ERICH1: variants seen among roughly 807,000 people sequenced by gnomAD.
ERICH1 encodes the protein glutamate-rich protein 1.
Under a neutral mutation model 39.6 loss-of-function variants are expected in ERICH1, and 56 were observed. The observed-to-expected ratio is 1.41, with a 90% CI of 1.14 to 1.77. The LOEUF is 1.77. Ranked by LOEUF, ERICH1 falls within the 40% of genes most tolerant of loss-of-function variation. The probability of loss-of-function intolerance (pLI) is 0.00; values close to 1 mark genes in which losing one functional copy is unlikely to be tolerated. For missense variants in ERICH1, 826 were observed against 575.4 expected (o/e 1.44, Z -4.45); for synonymous variants, 313 against 223.6 (o/e 1.40, Z -3.57).
intron 3 of ERICH1, among the ~76,000 whole-genome samples, chr8:688,951 A>AT (rs1241047461): frequency 6.6e-6 from 1 of 152,236 alleles, no homozygotes. Context: ...AAGGAACAAG[A>AT]TTTTAAATGA....
intron 4 of ERICH1, among the ~76,000 whole-genome samples, chr8:672,518 G>A (rs1323392994): frequency 1.3e-5 from 2 of 152,078 alleles, no homozygotes; most frequent in South Asian, 4.1e-4. Flanking sequence ...ATCTGGATCT[G>A]CTAAACCCAC....
At chr8:662,283 T>A (rs1235861963), downstream of ERICH1, among the ~76,000 whole-genome samples, 2 of 152,258 alleles carry the variant, frequency 1.3e-5, no homozygotes, top group African/African-American at 4.8e-5. Flanking sequence ...AATGGGACGT[T>A]AAGAATAGTA....
intron 1 of ERICH1, among the ~76,000 whole-genome samples, chr8:726,689 TACACAGGCACACACATGTACAC>T (rs1354308632): frequency 7.5e-6 from 1 of 133,226 alleles, no homozygotes; most frequent in Non-Finnish European, 1.5e-5. Context: ...AGGCACATCA[TACACAGGCACACACATGTACAC>T]ACACAGGCAC....
intron 1 of ERICH1, among the ~76,000 whole-genome samples, chr8:722,607 A>G (rs1409609862): frequency 6.6e-6 from 1 of 152,228 alleles, no homozygotes; most frequent in South Asian, 2.1e-4. Flanking sequence ...TCCTAAATGC[A>G]GTTGCTGAAT....
In ERICH1 at chr8:698,905, T is replaced by G. The variant is rs866772734; in HGVS notation, c.170-6293A>C. Among the ~76,000 whole-genome samples the G allele has an allele frequency of 8.7e-3, 1,314 of 151,596 alleles. 23 individuals are homozygous for G. Among genetic ancestry groups the G allele is most frequent in the African/African-American group, 0.03 (1,237 of 41,258 alleles). On this transcript the variant is annotated intron_variant, in intron 2 of 5. Transcript: ENST00000262109. ...CCTATGGTTGTCTCTGTGAGTTTTT[T>G]TTTTTTTTTTTTAACCAGGGAGGCT... is the stretch of plus-strand genomic sequence containing the variant.
At chr8:729,240 G>A (rs924206342) in intron 1 of ERICH1, among the ~76,000 whole-genome samples, 4 of 152,188 alleles carry the variant, frequency 2.6e-5, no homozygotes, top group Admixed American at 6.5e-5. Flanking sequence ...GTCTGCTCCA[G>A]GAGAGGCACA....
At chr8:715,295 C>G (rs1159495157) in intron 2 of ERICH1, among the ~76,000 whole-genome samples, 1 of 151,984 alleles carries the variant, frequency 6.6e-6, no homozygotes, top group African/African-American at 2.4e-5. Context: ...CAGGTGGTCT[C>G]TTCCCGTGTC....
At chr8:693,050 T>C (rs1329571590) in intron 2 of ERICH1, among the ~76,000 whole-genome samples, 1 of 152,106 alleles carries the variant, frequency 6.6e-6, no homozygotes, top group Non-Finnish European at 1.5e-5. Flanking sequence ...ATGTGTACAC[T>C]GTGGCTGTGT....
intron 1 of ERICH1, among the ~76,000 whole-genome samples, chr8:726,309 C>A (rs551164659): frequency 5.8e-4 from 89 of 152,200 alleles, no homozygotes; most frequent in African/African-American, 2.1e-3. Context: ...TACAAACACG[C>A]CACACGCAGA....
chr8:699,578 C>T (rs982438047), intron 2 of ERICH1, among the ~76,000 whole-genome samples: 4 of 141,924 alleles, frequency 2.8e-5, no homozygotes, highest in African/African-American at 9.8e-5. Flanking sequence ...AGGAGGACGG[C>T]TTCATTTCCC....
intron 3 of ERICH1, among the ~76,000 whole-genome samples, chr8:628,194 C>T (rs781018699): frequency 2.0e-4 from 31 of 152,220 alleles, no homozygotes; most frequent in African/African-American, 4.1e-4. Flanking sequence ...GTGGAAATTA[C>T]GAAACTACTT....
At chr8:640,322 C>T (rs1324027496) in intron 3 of ERICH1, among the ~76,000 whole-genome samples, 3 of 152,164 alleles carry the variant, frequency 2.0e-5, no homozygotes, top group Admixed American at 2.0e-4. Context: ...ACACACAAGC[C>T]CCAGGTGGCA....
chr8:706,516 G>A (rs1238817551), intron 2 of ERICH1, among the ~76,000 whole-genome samples: 1 of 152,222 alleles, frequency 6.6e-6, no homozygotes, highest in East Asian at 1.9e-4. Context: ...GCTCACGCCT[G>A]TAATCCCAGC....
intron 3 of ERICH1, among the ~76,000 whole-genome samples, chr8:625,015 T>C (rs906127555): frequency 1.3e-5 from 2 of 152,098 alleles, no homozygotes; most frequent in African/African-American, 4.8e-5. Context: ...CGTGAGCCAC[T>C]GCACCCGGCC....
At chr8:678,211 G>A (rs1345332441) in intron 3 of ERICH1, among the ~76,000 whole-genome samples, 1 of 151,914 alleles carries the variant, frequency 6.6e-6, no homozygotes, top group Non-Finnish European at 1.5e-5. Flanking sequence ...TACTCCTTGG[G>A]TGGTCTAAGT....
At chr8:711,065 G>A (rs141790199) in intron 2 of ERICH1, among the ~76,000 whole-genome samples, 54 of 152,332 alleles carry the variant, frequency 3.5e-4, no homozygotes, top group African/African-American at 1.3e-3. Context: ...TAGGTATGTG[G>A]TGGTGTCTCA....
chr8:704,321 G>A (rs962249858), intron 2 of ERICH1, among the ~76,000 whole-genome samples: 2 of 152,208 alleles, frequency 1.3e-5, no homozygotes, highest in African/African-American at 2.4e-5. Context: ...CGGGAGTTAC[G>A]GCAAGGACTT....
chr8:668,663 A>T lies in ERICH1; in HGVS notation c.1193T>A (p.Leu398Gln). ...ATGCTTCAATCTCTCAGTATCTTGC[A>T]GGAGCAGCAGCGTTTTCATGTGGTA... ...ILYHMKTLLL[L>Q]QDTERLKHAL... is the part of the protein sequence containing the mutation. The change falls in exon 5 of 6, where the codon CTG (leucine) becomes CAG (glutamine). Residue 398 changes from leucine (L) to glutamine (Q), a missense_variant. Physicochemically the swap from Leu to Gln is moderately radical, Grantham distance 113. Transcript: ENST00000262109. 6.2e-7 allele frequency: 1 copy of T among 1,614,230 alleles called. No homozygotes were observed. Among genetic ancestry groups the T allele is most frequent in the South Asian group, 1.1e-5 (1 of 91,088 alleles).
intron 3 of ERICH1, among the ~76,000 whole-genome samples, chr8:683,283 T>C (rs1237856842): frequency 6.6e-6 from 1 of 152,152 alleles, no homozygotes; most frequent in African/African-American, 2.4e-5. Flanking sequence ...GGTTTGGCCT[T>C]TGAGGATAAA....
Sources: gnomAD v4.1 joint callset for allele counts (sites outside exome capture counted in the v4.1 genomes callset) on GRCh38, gnomAD v4.1.1 for gene constraint, MANE v1.5 for transcripts, NCBI Gene and HGNC (gene_info 2026-07-23, HGNC 2026-07-21) for gene names.